ITPR2: variants seen among roughly 807,000 people sequenced by gnomAD.
The protein encoded by ITPR2 is inositol 1,4,5-trisphosphate-gated calcium channel ITPR2.
ITPR2 carries 207 observed loss-of-function variants against 317.1 expected under a neutral mutation model. The observed-to-expected ratio is 0.65, with a 90% confidence interval of 0.58 to 0.73. ITPR2 has a LOEUF of 0.73. Among genes scored for constraint, ITPR2 ranks in the 30% least tolerant of loss-of-function variants. The pLI, the probability that ITPR2 is intolerant of heterozygous loss-of-function variation, is 0.00. For missense variants in ITPR2, 2,613 were observed against 3,284.0 expected (o/e 0.80, Z 4.99); for synonymous variants, 1,156 against 1,149.1 (o/e 1.01, Z -0.12).
chr12:26,824,175 T>C (rs1016253396), intron 1 of ITPR2, among the ~76,000 whole-genome samples: 1 of 152,218 alleles, frequency 6.6e-6, no homozygotes. Flanking sequence ...ATACAAAGCC[T>C]ATTTTGTAAT....
intron 55 of ITPR2, among the ~76,000 whole-genome samples, chr12:26,357,212 G>A (rs764982155): frequency 6.6e-6 from 1 of 152,090 alleles, no homozygotes; most frequent in African/African-American, 2.4e-5. Flanking sequence ...CATGATTGCA[G>A]GGTTGGGGTT....
intron 9 of ITPR2, among the ~76,000 whole-genome samples, chr12:26,699,748 A>T (rs557162669): frequency 6.6e-6 from 1 of 152,330 alleles, no homozygotes; most frequent in Non-Finnish European, 1.5e-5. Context: ...TTAAAGGCCA[A>T]ATAAATATAT....
chr12:26,437,315 T>G (rs574132238), intron 47 of ITPR2, among the ~76,000 whole-genome samples: 57 of 152,232 alleles, frequency 3.7e-4, no homozygotes, highest in Non-Finnish European at 6.2e-4. Context: ...TGTAGATATA[T>G]CCTGTGAATT....
rs2136928327 is a variant in ITPR2 at position 26,516,325 on chromosome 12, A to AGGAAAGGAAAGGAAG, written c.5074-21066_5074-21065insCTTCCTTTCCTTTCC. On this transcript the variant is annotated intron_variant, in intron 37 of 56. Coordinates refer to ENST00000381340, the MANE Select transcript of ITPR2 (RefSeq NM_002223.4). Reference sequence around the variant, plus strand: ...AGGAAAGGAAAGGAAAGGAAAGGAAAGGAAAGGAAAGGAAAGGAAAGGAAA... The same window carrying AGGAAAGGAAAGGAAG: ...AGGAAAGGAAAGGAAAGGAAAGGAAAGGAAAGGAAAGGAAGGGAAAGGAAAGGAAAGGAAAGGAAA... Among the ~76,000 whole-genome samples the AGGAAAGGAAAGGAAG allele has an allele frequency of 2.1e-5, 3 of 146,178 alleles. No individual in the cohort carries two copies. The South Asian group carries it at 6.7e-4, about 33-fold the overall frequency.
intron 26 of ITPR2, among the ~76,000 whole-genome samples, chr12:26,610,126 T>C (rs986471488): frequency 7.2e-5 from 11 of 152,228 alleles, no homozygotes; most frequent in Non-Finnish European, 1.3e-4. Flanking sequence ...GTGTCTCTGA[T>C]TGGTCAGGTC....
intron 45 of ITPR2, among the ~76,000 whole-genome samples, chr12:26,460,622 T>C (rs1302875580): frequency 2.6e-5 from 4 of 152,080 alleles, no homozygotes; most frequent in African/African-American, 9.7e-5. Context: ...CTGGAGCAGC[T>C]TTTTTTGAAA....
Position 26,632,020 on chromosome 12 carries a change from A to G in ITPR2, c.2780T>C (p.Met927Thr). 6.3e-7 allele frequency: 1 copy of G among 1,599,898 alleles called. No individual in the cohort carries two copies. The highest frequency in any genetic ancestry group is 8.5e-7 in the Non-Finnish European group (1 of 1,174,198). Residue 927 changes from methionine (M) to threonine (T), a missense_variant, in exon 22 of 57, where the codon ATG becomes ACG. Met to Thr is a moderately conservative substitution (Grantham distance 81, BLOSUM62 -1). Transcript: ENST00000381340. The part of the protein sequence containing the change: ...VMRTIHGVGE[M>T]MTQMVLSRGS... ...TCTACTGAGTACCATCTGGGTCATC[A>G]TCTCTCCCACCCCATGAATGGTTCT...
intron 37 of ITPR2, among the ~76,000 whole-genome samples, chr12:26,529,189 C>A (rs1943887607): frequency 1.3e-5 from 2 of 152,192 alleles, no homozygotes; most frequent in African/African-American, 4.8e-5. Flanking sequence ...TTCACTTACT[C>A]CTATACTCAA....
At chr12:26,820,274 G>A (rs928459334) in intron 1 of ITPR2, among the ~76,000 whole-genome samples, 5 of 152,122 alleles carry the variant, frequency 3.3e-5, no homozygotes, top group African/African-American at 1.2e-4. Context: ...TAAGAAATAT[G>A]AGACATTATA....
At chr12:26,631,073 T>A (rs1946741352) in intron 22 of ITPR2, among the ~76,000 whole-genome samples, 1 of 152,194 alleles carries the variant, frequency 6.6e-6, no homozygotes, top group Non-Finnish European at 1.5e-5. Context: ...TCAGTCTATA[T>A]TAAATTATGA....
At chr12:26,705,813 C>A (rs114247399) in intron 9 of ITPR2, among the ~76,000 whole-genome samples, 2,092 of 152,302 alleles carry the variant, frequency 0.014, 44 homozygotes, top group African/African-American at 0.047. Flanking sequence ...CCCTTCCTCA[C>A]CATTACTGAA....
At chr12:26,569,316 G>A (rs1025310070) in intron 34 of ITPR2, among the ~76,000 whole-genome samples, 1 of 152,126 alleles carries the variant, frequency 6.6e-6, no homozygotes, top group African/African-American at 2.4e-5. Context: ...CAATTAGGGA[G>A]GTCAAGGCGG....
At chr12:26,602,826 T>C in intron 26 of ITPR2, 120 bp from the exon 27 acceptor site, 1 of 488,762 alleles carries the variant, frequency 2.0e-6, no homozygotes, top group Non-Finnish European at 3.3e-6. Flanking sequence ...ATTATTCAAC[T>C]TAAATGTTTC....
intron 45 of ITPR2, among the ~76,000 whole-genome samples, chr12:26,466,774 G>T (rs1942180203): frequency 6.6e-6 from 1 of 152,162 alleles, no homozygotes; most frequent in Non-Finnish European, 1.5e-5. Context: ...ACAGGGTGCA[G>T]GGGTGGAATA....
At chr12:26,354,172 A>C (rs1302355531) in intron 55 of ITPR2, among the ~76,000 whole-genome samples, 1 of 152,024 alleles carries the variant, frequency 6.6e-6, no homozygotes, top group Non-Finnish European at 1.5e-5. Context: ...TACTCAGGAG[A>C]CTGAGGCAGG....
At chr12:26,610,502 T>C (rs917169520) in intron 26 of ITPR2, among the ~76,000 whole-genome samples, 2 of 148,640 alleles carry the variant, frequency 1.3e-5, no homozygotes, top group African/African-American at 5.0e-5. Context: ...TAGAGAAAAA[T>C]CAGCAAAGAA....
chr12:26,796,096 T>C (rs1386571187), intron 1 of ITPR2, among the ~76,000 whole-genome samples: 1 of 151,346 alleles, frequency 6.6e-6, no homozygotes, highest in Non-Finnish European at 1.5e-5. Context: ...TGCCCAGAAA[T>C]AATGGTATGT....
intron 55 of ITPR2, among the ~76,000 whole-genome samples, chr12:26,384,435 ATG>A (rs1322240420): frequency 6.6e-6 from 1 of 152,110 alleles, no homozygotes. Context: ...GTTCTCTTGG[ATG>A]TGCACTGCTT....
At chr12:26,497,589 G>A (rs551498915) in intron 37 of ITPR2, among the ~76,000 whole-genome samples, 51 of 95,094 alleles carry the variant, frequency 5.4e-4, no homozygotes, top group African/African-American at 1.5e-3. Flanking sequence ...AGGAGCTGTC[G>A]ACTCTGAGGA....
Sources: allele counts gnomAD v4.1 joint callset (sites outside exome capture counted in the v4.1 genomes callset), GRCh38; gene constraint gnomAD v4.1.1; transcripts MANE v1.5; gene names NCBI Gene and HGNC (gene_info 2026-07-23, HGNC 2026-07-21).